The following MAD1L1 variants were observed in gnomAD, a reference collection of about 807,000 sequenced individuals.
MAD1L1 encodes mitotic arrest deficient 1 like 1, also known as mitotic spindle assembly checkpoint protein MAD1.
In MAD1L1, 95 loss-of-function variants were observed where a neutral mutation model predicts 96.9. That is an observed-to-expected ratio of 0.98 (90% CI 0.83 to 1.16). The LOEUF (loss-of-function observed/expected upper bound fraction) is 1.16. Among genes scored for constraint, MAD1L1 ranks in the 50% most tolerant of loss-of-function variants. The pLI, the probability that MAD1L1 is intolerant of heterozygous loss-of-function variation, is 0.00. For synonymous variants in MAD1L1, 473 were observed against 396.6 expected, an observed-to-expected ratio of 1.19 and a Z score of -2.29; for missense variants, 1,007 against 954.4, an observed-to-expected ratio of 1.06 and a Z score of -0.73.
intron 11 of MAD1L1, among the ~76,000 whole-genome samples, chr7:2,147,361 G>A (rs1344184492): frequency 2.6e-5 from 4 of 152,184 alleles, no homozygotes; most frequent in South Asian, 4.1e-4. Context: ...TCCTGGCGAC[G>A]GGTGACCAGC....
chr7:2,223,369 C>G (rs1458431536), intron 4 of MAD1L1: 1 of 152,302 alleles, frequency 6.6e-6, no homozygotes, highest in Non-Finnish European at 1.5e-5. Context: ...TGACCAAGCA[C>G]CACGCTCAGA....
intron 10 of MAD1L1, among the ~76,000 whole-genome samples, chr7:2,189,600 TCA>T (rs1281708625): frequency 1.3e-5 from 2 of 152,066 alleles, no homozygotes; most frequent in Non-Finnish European, 1.5e-5. Flanking sequence ...TAGTAAAAAA[TCA>T]CAGAGGCAGG....
Position 1,901,740 on chromosome 7 carries a change from C to T in MAD1L1, c.1808-3350G>A, listed in dbSNP as rs145599182. 4.7e-3 allele frequency among the ~76,000 whole-genome samples: 718 copies of T among 152,288 alleles called. 7 individuals are homozygous for T. The highest frequency in any genetic ancestry group is 0.016 in the African/African-American group (663 of 41,566). On this transcript the variant is annotated intron_variant, in intron 17 of 18. Transcript: ENST00000265854. ...GGCTACCCCAGGCTTAGAGCCAAAC[C>T]GTAGGGAGGCCTTGAGCCCAGCCCA... is the stretch of plus-strand genomic sequence containing the variant.
chr7:2,028,912 T>A (rs1317101353), intron 12 of MAD1L1, among the ~76,000 whole-genome samples: 1 of 151,468 alleles, frequency 6.6e-6, no homozygotes, highest in African/African-American at 2.4e-5. Flanking sequence ...GCAACAAGGC[T>A]GCGCAGGGCA....
chr7:2,113,710 AC>A (rs1345582414), intron 11 of MAD1L1, among the ~76,000 whole-genome samples: 1 of 152,220 alleles, frequency 6.6e-6, no homozygotes, highest in Non-Finnish European at 1.5e-5. Context: ...GAGTGACCAC[AC>A]CCGCAACAGA....
chr7:1,997,206 T>C (rs1022579657), intron 14 of MAD1L1, among the ~76,000 whole-genome samples: 1 of 152,276 alleles, frequency 6.6e-6, no homozygotes, highest in Non-Finnish European at 1.5e-5. Context: ...TTTTCTCTCT[T>C]TTCTCATTTC....
intron 17 of MAD1L1, among the ~76,000 whole-genome samples, chr7:1,901,414 A>G (rs182297968): frequency 9.7e-4 from 148 of 152,184 alleles, no homozygotes; most frequent in African/African-American, 3.1e-3. Context: ...CCTCTCAGAG[A>G]CCCCAGAAGC....
intron 18 of MAD1L1, among the ~76,000 whole-genome samples, chr7:1,869,582 A>C (rs1278533688): frequency 6.6e-6 from 1 of 152,144 alleles, no homozygotes; most frequent in Non-Finnish European, 1.5e-5. Flanking sequence ...AAAACACTGA[A>C]AAACGTGACA....
At chr7:2,179,633 T>G (rs1203630767) in intron 10 of MAD1L1, among the ~76,000 whole-genome samples, 1 of 151,886 alleles carries the variant, frequency 6.6e-6, no homozygotes, top group African/African-American at 2.4e-5. Flanking sequence ...GAGTTATTAC[T>G]TGACCCATCT....
intron 17 of MAD1L1, among the ~76,000 whole-genome samples, chr7:1,904,133 G>A (rs1348389872): frequency 2.8e-5 from 4 of 142,012 alleles, no homozygotes; most frequent in Non-Finnish European, 4.6e-5. Context: ...ACTGTTCCAG[G>A]CAGCGAGGAC....
chr7:1,875,643 G>C (rs1274923712), intron 18 of MAD1L1, among the ~76,000 whole-genome samples: 10 of 152,224 alleles, frequency 6.6e-5, no homozygotes, highest in Admixed American at 6.5e-4. Context: ...GCCACTCCAG[G>C]AACCCCGGGA....
At chr7:2,159,473 A>T (rs1789997604) in intron 10 of MAD1L1, among the ~76,000 whole-genome samples, 2 of 152,192 alleles carry the variant, frequency 1.3e-5, no homozygotes, top group Non-Finnish European at 1.5e-5. Flanking sequence ...CTCCTCCTTC[A>T]CAGAACACCA....
At chr7:1,953,580 A>G (rs1432839829) in intron 16 of MAD1L1, among the ~76,000 whole-genome samples, 1 of 152,258 alleles carries the variant, frequency 6.6e-6, no homozygotes, top group African/African-American at 2.4e-5. Flanking sequence ...ATTTAGAGGA[A>G]GCGTGCAGAT....
intron 12 of MAD1L1, among the ~76,000 whole-genome samples, chr7:2,068,762 C>T (rs1364861967): frequency 6.6e-6 from 1 of 152,220 alleles, no homozygotes; most frequent in Non-Finnish European, 1.5e-5. Flanking sequence ...CATGGAGCCA[C>T]CCACAGGTGG....
chr7:2,088,014 G>A lies in MAD1L1; in HGVS notation c.1074-18676C>T, dbSNP rs1394435570. Among the ~76,000 whole-genome samples the A allele has an allele frequency of 6.6e-6, 1 of 152,188 alleles. No homozygotes were observed. Among genetic ancestry groups the A allele is most frequent in the Non-Finnish European group, 1.5e-5 (1 of 68,038 alleles). ...TCCCCTCTCACAGCTAACTGGATCC[G>A]TTTCCCAGCAGATCGAGGCTTGAGG... is the stretch of plus-strand genomic sequence containing the variant. On this transcript the variant is annotated intron_variant, in intron 11 of 18. Transcript: ENST00000265854. This position sits in a 1 kb window ranked among gnomAD's most constrained non-coding sequence, Gnocchi z 4.4.
intron 14 of MAD1L1, among the ~76,000 whole-genome samples, chr7:2,001,642 C>T (rs1473692928): frequency 2.0e-5 from 3 of 152,236 alleles, no homozygotes; most frequent in Non-Finnish European, 2.9e-5. Context: ...TGCTGAGTGG[C>T]GCCCAAGCCC....
chr7:2,171,241 T>C (rs73287687), intron 10 of MAD1L1, among the ~76,000 whole-genome samples: 2,448 of 152,272 alleles, frequency 0.016, 68 homozygotes, highest in African/African-American at 0.056. Context: ...AATTTAAAGA[T>C]GAAAACATGG....
chr7:2,080,130 T>C (rs1785565878), intron 11 of MAD1L1: 1 of 193,164 alleles, frequency 5.2e-6, no homozygotes, highest in South Asian at 9.2e-5. Flanking sequence ...GGCTGGGGGC[T>C]TTCTCTGCAC....
chr7:1,872,927 G>A (rs1348662653), intron 18 of MAD1L1, among the ~76,000 whole-genome samples: 2 of 152,366 alleles, frequency 1.3e-5, no homozygotes, highest in East Asian at 3.9e-4. Flanking sequence ...CGCGTCAGAA[G>A]GAGAGAAAGC....
Sources: allele counts gnomAD v4.1 joint callset (sites outside exome capture counted in the v4.1 genomes callset), GRCh38; gene constraint gnomAD v4.1.1; non-coding constraint Gnocchi (gnomAD v3.1); transcripts MANE v1.5; gene names NCBI Gene and HGNC (gene_info 2026-07-23, HGNC 2026-07-21).